MAML3: variants seen among roughly 807,000 people sequenced by gnomAD.
MAML3 encodes the protein mastermind like transcriptional coactivator 3.
MAML3 carries 27 observed loss-of-function variants against 101.9 expected under a neutral mutation model. That is an observed-to-expected ratio of 0.27 (90% CI 0.20 to 0.37). The LOEUF is 0.37. Among genes scored for constraint, MAML3 ranks in the 10% least tolerant of loss-of-function variants. The pLI is 1.00. For missense variants in MAML3, 1,316 were observed against 1,444.9 expected (o/e 0.91, Z 1.45); for synonymous variants, 501 against 555.9 (o/e 0.90, Z 1.39).
chr4:139,906,684 G>A (rs745902719), intron 1 of MAML3, among the ~76,000 whole-genome samples: 3 of 152,188 alleles, frequency 2.0e-5, no homozygotes, highest in Non-Finnish European at 2.9e-5. Context: ...AAACTGTAGA[G>A]TAAAAAGTAT....
chr4:140,071,096 C>T, intron 1 of MAML3, among the ~76,000 whole-genome samples: 1 of 152,348 alleles, frequency 6.6e-6, no homozygotes, highest in East Asian at 1.9e-4. Flanking sequence ...TCTGAAGCCT[C>T]CTTTGTCTAT....
At chr4:139,963,399 T>C (rs1734061240) in intron 1 of MAML3, among the ~76,000 whole-genome samples, 1 of 152,192 alleles carries the variant, frequency 6.6e-6, no homozygotes, top group South Asian at 2.1e-4. Context: ...AAGCTACCGG[T>C]CCACAGACCA....
intron 1 of MAML3, among the ~76,000 whole-genome samples, chr4:140,126,649 G>A (rs900976470): frequency 6.6e-6 from 1 of 152,072 alleles, no homozygotes; most frequent in South Asian, 2.1e-4. Flanking sequence ...TGAAATTTCA[G>A]CCATCTGCAA....
chr4:140,127,349 C>T (rs185961060), intron 1 of MAML3, among the ~76,000 whole-genome samples: 1 of 152,330 alleles, frequency 6.6e-6, no homozygotes, highest in African/African-American at 2.4e-5. Flanking sequence ...CAGCATCTGG[C>T]TCCTAAGCGG....
At chr4:140,151,727 C>T (rs1729173996) in intron 1 of MAML3, among the ~76,000 whole-genome samples, 1 of 151,466 alleles carries the variant, frequency 6.6e-6, no homozygotes, top group South Asian at 2.1e-4. Flanking sequence ...AAGCTTCCGG[C>T]CTCCCCTCAC....
chr4:140,059,511 G>T (rs2110935371), intron 1 of MAML3, among the ~76,000 whole-genome samples: 1 of 152,266 alleles, frequency 6.6e-6, no homozygotes, highest in Non-Finnish European at 1.5e-5. Context: ...GAAAAGAAAT[G>T]CTCTGACATT....
In MAML3 at chr4:139,730,623, C is replaced by T; in HGVS notation, c.2124G>A (p.Gln708=). ...CACCTGAGCCTGGGGGCACGGAGGA[C>T]TGCATGGGGCCTGTGGTTCGGGGAA... is the stretch of plus-strand genomic sequence containing the variant. ...VGLPRTTGPM[Q]SSVPPGSGGM... The change falls in exon 3 of 5, where the codon CAG becomes CAA. Residue 708 remains glutamine, a synonymous_variant. Transcript: ENST00000509479. 1 of 1,613,226 alleles carries T rather than the reference C, an allele frequency of 6.2e-7. No homozygotes were observed. The highest frequency in any genetic ancestry group is 8.5e-7 in the Non-Finnish European group (1 of 1,179,698).
chr4:139,812,849 C>T (rs1365007648), intron 2 of MAML3, among the ~76,000 whole-genome samples: 2 of 151,670 alleles, frequency 1.3e-5, no homozygotes, highest in African/African-American at 2.4e-5. Context: ...AAGATTGCCA[C>T]ACATTTAAGG....
rs537135528 is a variant in MAML3, at chr4:139,725,766, C to A, written c.2401G>T (p.Val801Phe). The change falls in exon 4 of 5, where the codon GTC (valine) becomes TTC (phenylalanine). Residue 801 changes from valine (V) to phenylalanine (F), a missense_variant. Physicochemically the swap from Val to Phe is conservative, Grantham distance 50 (BLOSUM62 -1). Transcript: ENST00000509479. ...PQRNPYPVQQVNQFQGSPQDI... is the reference protein window; with the variant it reads ...PQRNPYPVQQFNQFQGSPQDI... ...CTGGCCTCACCTTGAAACTGATTGA[C>A]CTGCTGCACTGGGTATGGATTCCGC... 3 of 1,613,932 alleles carry A rather than the reference C, an allele frequency of 1.9e-6. No individual in the cohort carries two copies. In the East Asian group the frequency reaches 6.7e-5, roughly 36 times the overall value.
intron 1 of MAML3, among the ~76,000 whole-genome samples, chr4:139,933,341 T>G (rs749980024): frequency 6.6e-6 from 1 of 152,156 alleles, no homozygotes; most frequent in Non-Finnish European, 1.5e-5. Context: ...CTCTTTGTCC[T>G]TTGAGGTAAA....
In MAML3 at chr4:139,921,716, C is replaced by T. The variant is rs948037190; in HGVS notation, c.469-30749G>A. Among the ~76,000 whole-genome samples, 3 of 152,270 alleles carry T rather than the reference C, an allele frequency of 2.0e-5. 1 individual carries two copies. In the South Asian group the frequency reaches 6.2e-4, roughly 32 times the overall value. ...ACAATTCCTCCACTTTCCCTGGAGC[C>T]TGCCCTCTCCCACTGCAGCACCTGG... On this transcript the variant is annotated intron_variant, in intron 1 of 4. Transcript: ENST00000509479.
chr4:140,144,312 C>T (rs1285316694), intron 1 of MAML3, among the ~76,000 whole-genome samples: 6 of 151,950 alleles, frequency 3.9e-5, no homozygotes, highest in Admixed American at 2.0e-4. Flanking sequence ...TTTGGAAGGC[C>T]GAGACCAGCA....
At chr4:139,855,372 T>C (rs927372471) in intron 2 of MAML3, among the ~76,000 whole-genome samples, 1 of 152,218 alleles carries the variant, frequency 6.6e-6, no homozygotes, top group Non-Finnish European at 1.5e-5. Context: ...ATGTATATAT[T>C]AGAGAAAAGA....
chr4:140,045,394 CAAAAAAA>C (rs3081944), intron 1 of MAML3, among the ~76,000 whole-genome samples: 1 of 98,756 alleles, frequency 1.0e-5, no homozygotes. Flanking sequence ...GACTCCAACT[CAAAAAAA>C]AAAAAAAAAA....
chr4:140,028,196 T>G (rs1726856374), intron 1 of MAML3, among the ~76,000 whole-genome samples: 1 of 152,198 alleles, frequency 6.6e-6, no homozygotes, highest in African/African-American at 2.4e-5. Flanking sequence ...TTTCATTTTA[T>G]TTTTACTATA....
At chr4:140,074,199 GAGAAAGAAAGAAAGAA>G (rs57126361) in intron 1 of MAML3, among the ~76,000 whole-genome samples, 890 of 82,022 alleles carry the variant, frequency 0.011, 5 homozygotes, top group Middle Eastern at 0.025. Context: ...GAGAAAGAAA[GAGAAAGAAAGAAAGAA>G]AGAAAGAAAG....
chr4:140,099,490 C>A (rs1188218058), intron 1 of MAML3, among the ~76,000 whole-genome samples: 2 of 152,112 alleles, frequency 1.3e-5, no homozygotes, highest in Non-Finnish European at 2.9e-5. Context: ...TCTCGAACTC[C>A]TGGGTTCCAG....
At chr4:139,834,206 A>G (rs1731219975) in intron 2 of MAML3, among the ~76,000 whole-genome samples, 2 of 152,262 alleles carry the variant, frequency 1.3e-5, no homozygotes, top group African/African-American at 4.8e-5. Context: ...GCTTTCTGCT[A>G]GAGGACTCAC....
chr4:139,834,354 G>T (rs1354076793), intron 2 of MAML3, among the ~76,000 whole-genome samples: 1 of 152,202 alleles, frequency 6.6e-6, no homozygotes, highest in Non-Finnish European at 1.5e-5. Flanking sequence ...TGAAAGATCT[G>T]GCAGCTCTCT....
Sources: gnomAD v4.1 joint callset for allele counts (sites outside exome capture counted in the v4.1 genomes callset) on GRCh38, gnomAD v4.1.1 for gene constraint, MANE v1.5 for transcripts, NCBI Gene and HGNC (gene_info 2026-07-23, HGNC 2026-07-21) for gene names.